OSBPL9: variants seen among roughly 807,000 people sequenced by gnomAD.
The protein encoded by OSBPL9 is oxysterol-binding protein-related protein 9.
In OSBPL9, 40 loss-of-function variants were observed where a neutral mutation model predicts 106.6. The observed-to-expected ratio is 0.38, with a 90% CI of 0.29 to 0.49. OSBPL9 has a LOEUF of 0.49. OSBPL9 is among the 20% of genes least tolerant of loss of function. The pLI is 0.97. For synonymous variants in OSBPL9, 269 were observed against 295.4 expected (o/e 0.91, Z 0.92); for missense variants, 609 against 887.2 (o/e 0.69, Z 3.98).
intron 14 of OSBPL9, among the ~76,000 whole-genome samples, chr1:51,776,301 T>C (rs915128116): frequency 9.9e-5 from 15 of 152,174 alleles, no homozygotes; most frequent in African/African-American, 3.4e-4. Context: ...CTAATGATGA[T>C]AGAGCAACAG....
chr1:51,686,783 C>T (rs1377446345), intron 3 of OSBPL9, among the ~76,000 whole-genome samples: 2 of 152,202 alleles, frequency 1.3e-5, no homozygotes, highest in Non-Finnish European at 2.9e-5. Flanking sequence ...CAAACATTAA[C>T]CTGTACCCAA....
chr1:51,594,166 G>A (rs1393096215), intron 1 of OSBPL9, among the ~76,000 whole-genome samples: 1 of 152,098 alleles, frequency 6.6e-6, no homozygotes, highest in Non-Finnish European at 1.5e-5. Flanking sequence ...GGAGGCCGAG[G>A]TGTGTGGATC....
chr1:51,670,101 A>G (rs1318115151), intron 3 of OSBPL9, among the ~76,000 whole-genome samples: 5 of 152,292 alleles, frequency 3.3e-5, no homozygotes, highest in South Asian at 2.1e-4. Context: ...ATTGCATGCT[A>G]TGGTTCACCG....
At chr1:51,738,056 G>A (rs1666097292) in intron 4 of OSBPL9, among the ~76,000 whole-genome samples, 1 of 152,134 alleles carries the variant, frequency 6.6e-6, no homozygotes, top group South Asian at 2.1e-4. Context: ...GGTTAGTTTA[G>A]TAACTTCTTA....
At position 51,646,422 on chromosome 1, in the gene OSBPL9, T is replaced by C. The variant is rs561097447; in HGVS notation, c.112-5569T>C. Among the ~76,000 whole-genome samples the C allele has an allele frequency of 4.7e-4, 72 of 152,346 alleles. No homozygotes were observed. The Middle Eastern group carries it at 0.01, about 22-fold the overall frequency. Reference sequence around the variant, plus strand: ...TAGTTATATCTCCAAATTTTTTAAATCTGAAAGTATAGAAATACAATTAAT... The same window carrying C: ...TAGTTATATCTCCAAATTTTTTAAACCTGAAAGTATAGAAATACAATTAAT... On this transcript the variant is annotated intron_variant, in intron 1 of 23. Transcript: ENST00000428468.
intron 12 of OSBPL9, among the ~76,000 whole-genome samples, chr1:51,767,323 G>A (rs1321751291): frequency 1.3e-5 from 2 of 151,874 alleles, no homozygotes; most frequent in East Asian, 1.9e-4. Context: ...AACACAGGAG[G>A]TGTAGGTTGC....
intron 3 of OSBPL9, among the ~76,000 whole-genome samples, chr1:51,692,665 C>CT (rs1025849557): frequency 2.4e-5 from 2 of 83,846 alleles, no homozygotes; most frequent in Non-Finnish European, 4.8e-5. Context: ...TCCTTTCTTT[C>CT]TTCTTTTTTT....
At chr1:51,683,368 C>A (rs1653030080) in intron 3 of OSBPL9, among the ~76,000 whole-genome samples, 1 of 150,998 alleles carries the variant, frequency 6.6e-6, no homozygotes, top group Non-Finnish European at 1.5e-5. Context: ...TTGGTAGAGA[C>A]AAGGTTTCTC....
the OSBPL9 span, among the ~76,000 whole-genome samples, chr1:51,534,896 C>G: frequency 6.6e-6 from 1 of 152,208 alleles, no homozygotes; most frequent in Non-Finnish European, 1.5e-5. Context: ...TCTAGGATCC[C>G]TTTCAATTCT....
At chr1:51,654,814 T>C (rs1286444305) in intron 2 of OSBPL9, among the ~76,000 whole-genome samples, 1 of 152,060 alleles carries the variant, frequency 6.6e-6, no homozygotes, top group East Asian at 1.9e-4. Flanking sequence ...AATAAGCCAG[T>C]TACAAAAAGA....
intron 4 of OSBPL9, chr1:51,730,209 A>C: frequency 8.4e-7 from 1 of 1,194,736 alleles, no homozygotes; most frequent in Non-Finnish European, 1.0e-6. Flanking sequence ...GGCTGAGGTC[A>C]GGGCCTCCAG....
chr1:51,586,264 A>C lies in OSBPL9; in HGVS notation c.-423+9008A>C, dbSNP rs142070524. ...ATAATGAAAAAATTAAACTAATCTG[A>C]AATTCCATTATTTACCATTTTGGTA... On this transcript the variant is annotated intron_variant, in intron 1 of 25. Transcript: ENST00000371714. Among the ~76,000 whole-genome samples, 722 of 152,106 alleles carry C rather than the reference A, an allele frequency of 4.7e-3. 6 individuals carry two copies. The highest frequency in any genetic ancestry group is 0.017 in the African/African-American group (697 of 41,518).
chr1:51,684,527 GTTTA>G (rs1653311783), intron 3 of OSBPL9, among the ~76,000 whole-genome samples: 1 of 152,226 alleles, frequency 6.6e-6, no homozygotes, highest in East Asian at 1.9e-4. Context: ...AAGAAAAAAA[GTTTA>G]TTTATTTATT....
At chr1:51,759,057 G>GC in intron 9 of OSBPL9, among the ~76,000 whole-genome samples, 1 of 151,204 alleles carries the variant, frequency 6.6e-6, no homozygotes, top group South Asian at 2.1e-4. Context: ...CCAAGTCTCT[G>GC]TTTCTTTGCT....
At chr1:51,738,306 A>T (rs962669202) in intron 4 of OSBPL9, among the ~76,000 whole-genome samples, 1 of 152,070 alleles carries the variant, frequency 6.6e-6, no homozygotes, top group Non-Finnish European at 1.5e-5. Flanking sequence ...CTTGCATTTT[A>T]GCTGTACCCG....
the OSBPL9 span, among the ~76,000 whole-genome samples, chr1:51,537,407 A>C: frequency 6.6e-6 from 1 of 152,106 alleles, no homozygotes; most frequent in African/African-American, 2.4e-5. Context: ...CATTTCTCCA[A>C]AGAGCTACTC....
intron 2 of OSBPL9, among the ~76,000 whole-genome samples, 160 bp from the exon 3 acceptor site, chr1:51,669,274 T>C (rs896336848): frequency 6.6e-6 from 1 of 152,348 alleles, no homozygotes; most frequent in Admixed American, 6.5e-5. Context: ...TCTCCTTTAG[T>C]TCTTTCTCCT....
rs75306860 is a variant in OSBPL9 at position 51,771,979 on chromosome 1, A to G, written c.939-91A>G. On this transcript the variant is annotated intron_variant, in intron 12 of 23. Transcript: ENST00000428468. ...AGAGAATTCTAAAGCATATATATGC[A>G]TGCATGTAACCAGCTAACTGTACGA... 3,241 of 835,406 alleles carry G rather than the reference A, an allele frequency of 3.9e-3. 59 individuals carry two copies. The African/African-American group carries it at 0.044, about 11-fold the overall frequency. 51.7% of individuals were successfully genotyped at this position (835,406 alleles called of 1,614,324 possible). A position where few individuals can be genotyped will look rare whatever the true frequency, so the allele number is the denominator to read the frequency against.
At chr1:51,703,828 G>C (rs1657838942) in intron 3 of OSBPL9, among the ~76,000 whole-genome samples, 1 of 152,188 alleles carries the variant, frequency 6.6e-6, no homozygotes, top group Non-Finnish European at 1.5e-5. Context: ...CTAATTTATT[G>C]AGAGTTTTTA....
Sources: gnomAD v4.1 joint callset for allele counts (sites outside exome capture counted in the v4.1 genomes callset) on GRCh38, gnomAD v4.1.1 for gene constraint, MANE v1.5 for transcripts, NCBI Gene and HGNC (gene_info 2026-07-23, HGNC 2026-07-21) for gene names.